EXOC4: variants seen among roughly 807,000 people sequenced by gnomAD.
EXOC4 encodes SEC8-like 1.
A neutral mutation model predicts 107.2 loss-of-function variants in EXOC4; 71 were observed. That is an observed-to-expected ratio of 0.66 (90% CI 0.55 to 0.81). The LOEUF is 0.81. Among genes scored for constraint, EXOC4 ranks in the 30% least tolerant of loss-of-function variants. The probability of loss-of-function intolerance (pLI) is 0.00; values close to 1 mark genes in which losing one functional copy is unlikely to be tolerated. For missense variants in EXOC4, 1,108 were observed against 1,189.6 expected, an observed-to-expected ratio of 0.93 and a Z score of 1.01; for synonymous variants, 456 against 441.2, an observed-to-expected ratio of 1.03 and a Z score of -0.42.
At chr7:133,962,937 C>T (rs1014229783) in intron 14 of EXOC4, among the ~76,000 whole-genome samples, 1 of 152,166 alleles carries the variant, frequency 6.6e-6, no homozygotes, top group African/African-American at 2.4e-5. Flanking sequence ...GTTAATGTTC[C>T]CCTGGCATCT....
In EXOC4 at chr7:133,341,718, G is replaced by A. The variant is rs141516943; in HGVS notation, c.764-14612G>A. On this transcript the variant is annotated intron_variant, in intron 5 of 17. Transcript: ENST00000253861. The stretch of plus-strand genomic sequence containing the variant: ...ATTTTATAAATTTGGGAGCTCCAGG[G>A]TTAGGTATATATAATTTAGGATTGT... 3.2e-4 allele frequency among the ~76,000 whole-genome samples: 48 copies of A among 152,176 alleles called. 3 individuals carry two copies. Among genetic ancestry groups the A allele is most frequent in the African/African-American group, 1.2e-3 (48 of 41,532 alleles).
intron 7 of EXOC4, chr7:133,396,542 G>A (rs1406332894): frequency 1.3e-5 from 2 of 152,170 alleles, no homozygotes; most frequent in Non-Finnish European, 2.9e-5. Flanking sequence ...TTACAACTAA[G>A]TATGTCATCA....
chr7:133,277,212 G>A (rs1243210579), intron 2 of EXOC4, among the ~76,000 whole-genome samples: 1 of 152,188 alleles, frequency 6.6e-6, no homozygotes, highest in Admixed American at 6.5e-5. Context: ...TGTGAAACTA[G>A]TTAAAGTTAT....
At chr7:133,702,236 G>T (rs917888465) in intron 10 of EXOC4, among the ~76,000 whole-genome samples, 48 of 150,312 alleles carry the variant, frequency 3.2e-4, no homozygotes, top group Admixed American at 5.3e-4. Context: ...TGTGTTCGGG[G>T]TATCTAAGCA....
intron 9 of EXOC4, among the ~76,000 whole-genome samples, chr7:133,487,414 A>G (rs548945968): frequency 1.3e-5 from 2 of 152,206 alleles, no homozygotes; most frequent in Non-Finnish European, 2.9e-5. Flanking sequence ...TTTTTTAAAA[A>G]AGCCAAATTT....
chr7:133,942,793 C>G (rs1231737481), intron 14 of EXOC4, among the ~76,000 whole-genome samples: 1 of 152,168 alleles, frequency 6.6e-6, no homozygotes, highest in Non-Finnish European at 1.5e-5. Context: ...GTGGTCATTT[C>G]TGATCATTTT....
chr7:133,534,882 T>C (rs1025763627), intron 9 of EXOC4, among the ~76,000 whole-genome samples: 9 of 152,090 alleles, frequency 5.9e-5, no homozygotes, highest in African/African-American at 2.2e-4. Context: ...CGGGGTGAAT[T>C]TTATGCTTGG....
intron 10 of EXOC4, among the ~76,000 whole-genome samples, chr7:133,704,725 T>C (rs755095803): frequency 1.3e-4 from 20 of 152,160 alleles, no homozygotes; most frequent in Non-Finnish European, 2.1e-4. Flanking sequence ...AAAAAATCTG[T>C]CCTGGGAGGG....
At chr7:133,287,069 G>C (rs1794296307) in intron 2 of EXOC4, among the ~76,000 whole-genome samples, 1 of 152,124 alleles carries the variant, frequency 6.6e-6, no homozygotes, top group Non-Finnish European at 1.5e-5. Flanking sequence ...AAGGTTTTCA[G>C]ATTTCTCTGG....
intron 17 of EXOC4, among the ~76,000 whole-genome samples, chr7:134,037,336 CTT>C (rs1028325665): frequency 2.6e-5 from 4 of 152,250 alleles, no homozygotes; most frequent in African/African-American, 7.2e-5. Context: ...ACCAGGGTGA[CTT>C]TATTTCTTCA....
At chr7:133,523,461 C>A (rs998106075) in intron 9 of EXOC4, among the ~76,000 whole-genome samples, 1 of 143,670 alleles carries the variant, frequency 7.0e-6, no homozygotes, top group Admixed American at 7.1e-5. Flanking sequence ...TTTAATTATA[C>A]TTTAAGTTTT....
chr7:133,461,908 T>C (rs1248018854), intron 7 of EXOC4, among the ~76,000 whole-genome samples: 1 of 152,114 alleles, frequency 6.6e-6, no homozygotes, highest in African/African-American at 2.4e-5. Flanking sequence ...CTAAATGAAA[T>C]CCTTGAGAGA....
chr7:133,330,729 C>T (rs1283052431), intron 5 of EXOC4, among the ~76,000 whole-genome samples: 1 of 152,004 alleles, frequency 6.6e-6, no homozygotes, highest in Admixed American at 6.6e-5. Context: ...CCTTGTGCTT[C>T]CTGGGTGAGG....
intron 10 of EXOC4, among the ~76,000 whole-genome samples, chr7:133,633,806 TC>T (rs953741975): frequency 1.3e-5 from 2 of 152,186 alleles, no homozygotes; most frequent in African/African-American, 4.8e-5. Context: ...CATTTTTTTT[TC>T]TTACGTGGTC....
At chr7:133,795,646 C>A (rs546790754) in intron 10 of EXOC4, among the ~76,000 whole-genome samples, 58 of 152,240 alleles carry the variant, frequency 3.8e-4, no homozygotes, top group Non-Finnish European at 7.1e-4. Flanking sequence ...ATGAATTTGC[C>A]TTTTCCATTC....
At chr7:133,883,586 T>C (rs1799014083) in intron 11 of EXOC4, among the ~76,000 whole-genome samples, 1 of 151,730 alleles carries the variant, frequency 6.6e-6, no homozygotes, top group South Asian at 2.1e-4. Flanking sequence ...GAGATTGCAA[T>C]GAGCTATGAT....
chr7:133,368,989 G>C (rs1442090996), intron 6 of EXOC4, among the ~76,000 whole-genome samples: 1 of 152,150 alleles, frequency 6.6e-6, no homozygotes, highest in Non-Finnish European at 1.5e-5. Flanking sequence ...AACTGAGCTA[G>C]CTGCAACATA....
At chr7:133,630,218 T>A in intron 10 of EXOC4, 77 bp downstream of exon 10, 1 of 1,128,666 alleles carries the variant, frequency 8.9e-7, no homozygotes, top group Non-Finnish European at 1.3e-6. Flanking sequence ...ATGCCAGTTG[T>A]TGAGTCAGCA....
chr7:133,626,823 A>G (rs1206888573), intron 9 of EXOC4, among the ~76,000 whole-genome samples: 1 of 152,116 alleles, frequency 6.6e-6, no homozygotes. Flanking sequence ...TGTTCTCTGT[A>G]ATATGGTCAT....
Sources: gnomAD v4.1 joint callset for allele counts (sites outside exome capture counted in the v4.1 genomes callset) on GRCh38, gnomAD v4.1.1 for gene constraint, MANE v1.5 for transcripts, NCBI Gene and HGNC (gene_info 2026-07-23, HGNC 2026-07-21) for gene names.